Variants in ADAM22 observed in about 807,000 individuals in gnomAD.
ADAM22 encodes disintegrin and metalloproteinase domain-containing protein 22.
Under a neutral mutation model 144.6 loss-of-function variants are expected in ADAM22, and 65 were observed. The ratio of observed to expected loss-of-function variants is 0.45; its 90% CI spans 0.37 to 0.55. The LOEUF is 0.55. Ranked by LOEUF, ADAM22 falls within the 20% of genes least tolerant of loss-of-function variation. The pLI is 0.00. For missense variants in ADAM22, 974 were observed against 1,184.9 expected (o/e 0.82, Z 2.61); for synonymous variants, 391 against 412.6 (o/e 0.95, Z 0.63).
chr7:87,976,705 A>T (rs1453919226), intron 2 of ADAM22, among the ~76,000 whole-genome samples: 2 of 152,172 alleles, frequency 1.3e-5, no homozygotes, highest in Non-Finnish European at 2.9e-5. Flanking sequence ...TAATGAATGA[A>T]AAAGCCACAG....
chr7:87,966,720 C>CTTT (rs1562873898), intron 2 of ADAM22, among the ~76,000 whole-genome samples: 16 of 30,162 alleles, frequency 5.3e-4, no homozygotes, highest in Non-Finnish European at 7.3e-4. Flanking sequence ...CAAGGAAAGC[C>CTTT]GTTTTTTTTT....
chr7:88,069,361 C>A (rs903674847), intron 3 of ADAM22, among the ~76,000 whole-genome samples: 3 of 152,110 alleles, frequency 2.0e-5, no homozygotes, highest in Non-Finnish European at 4.4e-5. Context: ...GAACTGTGAG[C>A]CAACATATTT....
intron 2 of ADAM22, among the ~76,000 whole-genome samples, chr7:87,937,371 T>G (rs544409595): frequency 6.6e-6 from 1 of 152,136 alleles, no homozygotes; most frequent in East Asian, 1.9e-4. Flanking sequence ...TCTTGTAGAG[T>G]TGCTCAGAGT....
intron 21 of ADAM22, among the ~76,000 whole-genome samples, chr7:88,154,507 A>G (rs1839348342): frequency 6.6e-6 from 1 of 152,170 alleles, no homozygotes; most frequent in African/African-American, 2.4e-5. Flanking sequence ...TTTATGATTT[A>G]CTCTAGAAAT....
intron 3 of ADAM22, among the ~76,000 whole-genome samples, chr7:88,017,919 C>T (rs1168188799): frequency 6.6e-6 from 1 of 151,462 alleles, no homozygotes; most frequent in Non-Finnish European, 1.5e-5. Flanking sequence ...TTTTTTTCTC[C>T]ACATACAGAT....
chr7:88,098,487 A>G (rs891694642), intron 4 of ADAM22, among the ~76,000 whole-genome samples: 15 of 152,138 alleles, frequency 9.9e-5, no homozygotes, highest in Admixed American at 8.5e-4. Context: ...TAGAAACAGA[A>G]TCTTTTCAGT....
At position 88,186,612 on chromosome 7, in the gene ADAM22, C is replaced by T. The variant is rs1452832096; in HGVS notation, c.2664-3C>T. The T allele has an allele frequency of 5.0e-6, 8 of 1,593,772 alleles. No homozygotes were observed. The highest frequency in any genetic ancestry group is 6.9e-6 in the Non-Finnish European group (8 of 1,161,754). ...TCTTTGTTCCTTCCATTGCTTTCTG[C>T]AGGTATTTAAACCCATGGTTCAAAA... On this transcript the variant is annotated splice_polypyrimidine_tract_variant and splice_region_variant and intron_variant, in intron 29 of 31. Coordinates refer to ENST00000413139, the MANE Select transcript of ADAM22 (RefSeq NM_001324418.2).
intron 3 of ADAM22, among the ~76,000 whole-genome samples, chr7:88,073,767 A>G (rs183403534): frequency 2.6e-5 from 4 of 152,284 alleles, no homozygotes; most frequent in Non-Finnish European, 2.9e-5. Context: ...GTGTGGTTAC[A>G]AGGACCAGAG....
At chr7:88,096,843 A>G (rs1030779674) in intron 4 of ADAM22, among the ~76,000 whole-genome samples, 13 of 152,272 alleles carry the variant, frequency 8.5e-5, no homozygotes, top group Middle Eastern at 3.4e-3. Flanking sequence ...TGATCAGCTT[A>G]TTCTCATAGA....
chr7:88,137,058 T>A (rs1398736830), intron 14 of ADAM22, among the ~76,000 whole-genome samples: 2 of 152,090 alleles, frequency 1.3e-5, no homozygotes, highest in Non-Finnish European at 2.9e-5. Context: ...ACCATCTAAG[T>A]TTGGTTCCTA....
chr7:87,944,785 CTGTGTCT>C (rs1843176303), intron 2 of ADAM22, among the ~76,000 whole-genome samples: 1 of 143,552 alleles, frequency 7.0e-6, no homozygotes, highest in Non-Finnish European at 1.5e-5. Context: ...CACCCTTGAT[CTGTGTCT>C]TAGGTCTTTA....
At chr7:88,065,655 A>T (rs1199676319) in intron 3 of ADAM22, among the ~76,000 whole-genome samples, 4 of 151,988 alleles carry the variant, frequency 2.6e-5, no homozygotes, top group Non-Finnish European at 5.9e-5. Context: ...CCACCTTTTG[A>T]TATCTTCTAT....
At chr7:88,007,739 A>C (rs1054480464) in intron 3 of ADAM22, among the ~76,000 whole-genome samples, 4 of 152,196 alleles carry the variant, frequency 2.6e-5, no homozygotes, top group African/African-American at 9.7e-5. Context: ...ACCTTATATA[A>C]AAATTAATTC....
At chr7:88,055,028 C>G (rs1183815316) in intron 3 of ADAM22, among the ~76,000 whole-genome samples, 1 of 152,018 alleles carries the variant, frequency 6.6e-6, no homozygotes, top group Non-Finnish European at 1.5e-5. Flanking sequence ...CAAATCAATA[C>G]CCCAGTATTA....
chr7:88,058,522 A>T (rs1482749395), intron 3 of ADAM22, among the ~76,000 whole-genome samples: 17 of 152,246 alleles, frequency 1.1e-4, no homozygotes, highest in Non-Finnish European at 1.5e-5. Flanking sequence ...TTTAGAAGTT[A>T]TACTTACCTT....
chr7:88,136,573 C>T (rs186321881), intron 14 of ADAM22, among the ~76,000 whole-genome samples: 1 of 152,208 alleles, frequency 6.6e-6, no homozygotes, highest in East Asian at 1.9e-4. Context: ...CACGCTCAGT[C>T]ATCAATGCTT....
chr7:88,170,274 G>A (rs980559974), intron 25 of ADAM22, among the ~76,000 whole-genome samples: 34 of 151,884 alleles, frequency 2.2e-4, no homozygotes, highest in African/African-American at 7.7e-4. Context: ...AATATGTTTA[G>A]GAATATAGTG....
At chr7:88,043,837 C>A (rs1388216507) in intron 3 of ADAM22, among the ~76,000 whole-genome samples, 1 of 152,120 alleles carries the variant, frequency 6.6e-6, no homozygotes, top group Non-Finnish European at 1.5e-5. Flanking sequence ...TACATCCATG[C>A]AAATCCACAC....
chr7:88,029,767 T>C (rs1226662011), intron 3 of ADAM22, among the ~76,000 whole-genome samples: 1 of 152,148 alleles, frequency 6.6e-6, no homozygotes, highest in African/African-American at 2.4e-5. Flanking sequence ...AAAAGTTTTT[T>C]TTTTCTTTCA....
Sources: gnomAD v4.1 joint callset for allele counts (sites outside exome capture counted in the v4.1 genomes callset) on GRCh38, gnomAD v4.1.1 for gene constraint, MANE v1.5 for transcripts, NCBI Gene and HGNC (gene_info 2026-07-23, HGNC 2026-07-21) for gene names.